Variants in ERG observed in about 807,000 individuals in gnomAD.
The protein encoded by ERG is ETS transcription factor ERG.
A neutral mutation model predicts 55.3 loss-of-function variants in ERG; 9 were observed. That is an observed-to-expected ratio of 0.16 (90% CI 0.10 to 0.28). The LOEUF (loss-of-function observed/expected upper bound fraction) is 0.28. ERG is among the 10% of genes least tolerant of loss of function. ERG has a pLI of 1.00. For synonymous variants in ERG, 223 were observed against 237.3 expected (o/e 0.94, Z 0.55); for missense variants, 434 against 631.6 (o/e 0.69, Z 3.35).
chr21:38,652,587 G>T (rs757870615), intron 1 of ERG, among the ~76,000 whole-genome samples: 2 of 152,172 alleles, frequency 1.3e-5, no homozygotes, highest in Non-Finnish European at 2.9e-5. Flanking sequence ...GCTGGAGTTG[G>T]GTCATTCACA....
chr21:38,462,471 GAC>G (rs2059052908), intron 1 of ERG, among the ~76,000 whole-genome samples: 1 of 152,098 alleles, frequency 6.6e-6, no homozygotes, highest in Non-Finnish European at 1.5e-5. Context: ...GCTTGGCTAG[GAC>G]ACAGTCTGTA....
intron 1 of ERG, among the ~76,000 whole-genome samples, chr21:38,462,633 A>G (rs552922918): frequency 6.6e-6 from 1 of 152,322 alleles, no homozygotes; most frequent in East Asian, 1.9e-4. Context: ...TTTAAAGCCA[A>G]TATTGAGCCT....
intron 1 of ERG, among the ~76,000 whole-genome samples, chr21:38,579,826 T>C (rs2060017391): frequency 3.3e-5 from 1 of 30,288 alleles, no homozygotes; most frequent in South Asian, 8.6e-4. Context: ...TCTCTGACTC[T>C]TTTTTTTTTT....
intron 1 of ERG, among the ~76,000 whole-genome samples, chr21:38,477,861 C>A (rs1201165376): frequency 6.6e-6 from 1 of 152,186 alleles, no homozygotes; most frequent in Non-Finnish European, 1.5e-5. Flanking sequence ...GACTGCAACT[C>A]AGATTTTTTT....
At chr21:38,465,413 A>C (rs372675028) in intron 1 of ERG, among the ~76,000 whole-genome samples, 56 of 152,344 alleles carry the variant, frequency 3.7e-4, no homozygotes, top group African/African-American at 1.3e-3. Context: ...GGGAGGGGTG[A>C]ACAGGTGGAG....
At chr21:38,557,025 A>G (rs1465492825) in intron 2 of ERG, among the ~76,000 whole-genome samples, 2 of 152,184 alleles carry the variant, frequency 1.3e-5, no homozygotes, top group African/African-American at 4.8e-5. Flanking sequence ...ACATAGAGTT[A>G]CTGGGTCTTC....
intron 3 of ERG, among the ~76,000 whole-genome samples, chr21:38,418,270 A>AGTGG (rs369365038): frequency 5.4e-5 from 7 of 130,336 alleles, no homozygotes; most frequent in African/African-American, 1.9e-4. Flanking sequence ...AACATTTGGA[A>AGTGG]GTGTGTGTGT....
intron 3 of ERG, among the ~76,000 whole-genome samples, chr21:38,404,622 G>C (rs1347165005): frequency 6.6e-6 from 1 of 152,166 alleles, no homozygotes; most frequent in Non-Finnish European, 1.5e-5. Context: ...CAGGGAGTTG[G>C]AGCCCTGAGT....
chr21:38,498,418 T>C lies in ERG; in HGVS notation c.-38A>G, dbSNP rs1456283532. On this transcript the variant is annotated 5_prime_UTR_variant, in exon 1 of 10. Coordinates refer to ENST00000288319, the MANE Select transcript of ERG (RefSeq NM_182918.4). The surrounding 1 kb of genome is among the most constrained non-coding windows in gnomAD (Gnocchi z 4.6). The stretch of plus-strand genomic sequence containing the variant: ...TTTATTGATCGTTAATAAATGTTAA[T>C]AATAATTATTGCTTCTCTCTGACCA... 1.0e-5 allele frequency: 16 copies of C among 1,598,484 alleles called. No individual in the cohort carries two copies. Among genetic ancestry groups the C allele is most frequent in the Non-Finnish European group, 1.4e-5 (16 of 1,171,144 alleles).
intron 1 of ERG, among the ~76,000 whole-genome samples, chr21:38,490,432 A>G (rs1333085328): frequency 6.6e-6 from 1 of 152,218 alleles, no homozygotes; most frequent in Non-Finnish European, 1.5e-5. Flanking sequence ...CCTGTGAAGT[A>G]GGAACTATCA....
intron 1 of ERG, among the ~76,000 whole-genome samples, chr21:38,591,507 C>A (rs186361738): frequency 2.8e-4 from 42 of 152,242 alleles, no homozygotes; most frequent in African/African-American, 7.2e-4. Flanking sequence ...GCCTGGCCAA[C>A]ATGGTGAAAC....
chr21:38,506,662 C>T (rs73906314), intron 2 of ERG, among the ~76,000 whole-genome samples: 39,102 of 152,084 alleles, frequency 0.26, 5,913 homozygotes, highest in African/African-American at 0.43. Context: ...CCTCTTCCTG[C>T]CTTTGCTTCT....
In ERG at chr21:38,383,539, G is replaced by C; in HGVS notation, c.1304C>G (p.Pro435Arg). 1 of 1,582,368 alleles carries C rather than the reference G, an allele frequency of 6.3e-7. No homozygotes were observed. Among genetic ancestry groups the C allele is most frequent in the Non-Finnish European group, 8.6e-7 (1 of 1,160,686 alleles). The part of the protein sequence containing the change: ...PQKMNFVAPH[P>R]PALPVTSSSF... ...GGAAGATGTCACGGGGAGGGCTGGAGGGTGGGGCGCCACAAAGTTCATCTT... is the reference window on the plus strand; with the variant it reads ...GGAAGATGTCACGGGGAGGGCTGGACGGTGGGGCGCCACAAAGTTCATCTT... Residue 435 changes from proline (P) to arginine (R), a missense_variant, in exon 10 of 10, where the codon CCT becomes CGT. Around this residue, in one of 5 missense-constraint regions of ERG, gnomAD observed 107 missense variants for 126.8 expected, o/e 0.84. Coordinates refer to ENST00000288319, the MANE Select transcript of ERG (RefSeq NM_182918.4). This position sits in a 1 kb window ranked among gnomAD's most constrained non-coding sequence, Gnocchi z 5.7.
intron 2 of ERG, among the ~76,000 whole-genome samples, chr21:38,549,431 G>A (rs74522168): frequency 0.032 from 4,819 of 152,256 alleles, 178 homozygotes; most frequent in East Asian, 0.12. Flanking sequence ...AACTAAAGAT[G>A]TCTATCCACG....
the ERG span, among the ~76,000 whole-genome samples, chr21:38,368,373 C>A: frequency 7.0e-6 from 1 of 143,336 alleles, no homozygotes; most frequent in Non-Finnish European, 1.5e-5. Flanking sequence ...CCCTTTGGTG[C>A]GACAGTGAGT....
intron 1 of ERG, among the ~76,000 whole-genome samples, chr21:38,458,971 T>A (rs1375045839): frequency 1.3e-5 from 2 of 152,220 alleles, no homozygotes; most frequent in African/African-American, 4.8e-5. Context: ...CTCCCCTTTT[T>A]TAACCCTCTT....
chr21:38,631,787 A>G (rs1601333550), intron 1 of ERG, among the ~76,000 whole-genome samples: 2 of 151,968 alleles, frequency 1.3e-5, no homozygotes, highest in East Asian at 1.9e-4. Flanking sequence ...CCCTCCTGGC[A>G]TCTCCTCTCT....
At chr21:38,441,683 C>G (rs1428152402) in intron 2 of ERG, among the ~76,000 whole-genome samples, 1 of 152,188 alleles carries the variant, frequency 6.6e-6, no homozygotes, top group African/African-American at 2.4e-5. Flanking sequence ...CCACTCCTCT[C>G]CCTCCCCCTG....
chr21:38,550,893 A>G (rs1325986392), intron 2 of ERG, among the ~76,000 whole-genome samples: 1 of 152,240 alleles, frequency 6.6e-6, no homozygotes, highest in Non-Finnish European at 1.5e-5. Context: ...GAATTGACAG[A>G]CGATTAATGG....
Sources: gnomAD v4.1 joint callset for allele counts (sites outside exome capture counted in the v4.1 genomes callset) on GRCh38, gnomAD v4.1.1 for gene constraint, gnomAD v4.1.1 regional missense constraint, Gnocchi (gnomAD v3.1) non-coding constraint, MANE v1.5 for transcripts, NCBI Gene and HGNC (gene_info 2026-07-23, HGNC 2026-07-21) for gene names.